Variants in LAMA1 observed in about 807,000 individuals in gnomAD.
The protein encoded by LAMA1 is laminin subunit alpha 1, also known as laminin subunit alpha-1.
Under a neutral mutation model 348.7 loss-of-function variants are expected in LAMA1, and 219 were observed. That is an observed-to-expected ratio of 0.63 (90% CI 0.56 to 0.70). The LOEUF (loss-of-function observed/expected upper bound fraction) is 0.70, where lower values mean the gene tolerates loss of function less well. Ranked by LOEUF, LAMA1 falls within the 30% of genes least tolerant of loss-of-function variation. The pLI, the probability that LAMA1 is intolerant of heterozygous loss-of-function variation, is 0.00. For missense variants in LAMA1, 3,744 were observed against 3,888.0 expected (o/e 0.96, Z 0.99); for synonymous variants, 1,487 against 1,491.0 (o/e 1.00, Z 0.06).
rs770612301 is a variant in LAMA1, at chr18:7,026,099, G to A, written c.2282C>T (p.Ala761Val). Residue 761 changes from alanine to valine, a missense_variant, in exon 17 of 63, where the codon GCG becomes GTG. Ala to Val is a moderately conservative substitution (Grantham distance 64, BLOSUM62 0). Coordinates refer to ENST00000389658, the MANE Select transcript of LAMA1 (RefSeq NM_005559.4). Reference protein sequence around the residue: ...CNVHGVCIACAHNTTGVHCEQ... With the variant: ...CNVHGVCIACVHNTTGVHCEQ... ...ACAGTGGACGCCGGTGGTGTTGTGC[G>A]CACACGCCTAGGAACATGCACCAGA... 2.0e-5 allele frequency: 33 copies of A among 1,610,690 alleles called. 1 individual carries two copies. Among genetic ancestry groups the A allele is most frequent in the Middle Eastern group, 3.3e-4 (2 of 6,074 alleles).
intron 1 of LAMA1, among the ~76,000 whole-genome samples, chr18:7,103,085 T>C (rs534752651): frequency 1.3e-5 from 2 of 152,354 alleles, no homozygotes; most frequent in South Asian, 4.1e-4. Flanking sequence ...TTGTTTCTGC[T>C]GCTGGCTTGT....
intron 14 of LAMA1, 104 bp from the exon 15 acceptor site, chr18:7,033,199 G>C: frequency 1.2e-6 from 1 of 824,482 alleles, no homozygotes; most frequent in Non-Finnish European, 2.0e-6. Flanking sequence ...GGGCGCAGTG[G>C]CTCACGCCTG....
At chr18:7,015,600 T>TC (rs1451710423) in intron 22 of LAMA1, 122 bp downstream of exon 22, 61 of 1,274,812 alleles carry the variant, frequency 4.8e-5, no homozygotes, top group Middle Eastern at 5.4e-4. Flanking sequence ...TTTTTTTTTT[T>TC]TTTTAAATTC....
At position 6,941,770 on chromosome 18, in the gene LAMA1, T is replaced by A. The variant is rs575861105; in HGVS notation, c.*309A>T. 202 of 370,356 alleles carry A rather than the reference T, an allele frequency of 5.5e-4. 5 individuals carry two copies. The highest frequency in any genetic ancestry group is 4.7e-3 in the South Asian group (197 of 42,024). 22.9% of individuals were successfully genotyped at this position (370,356 alleles called of 1,614,324 possible). A position where few individuals can be genotyped will look rare whatever the true frequency, so the allele number is the denominator to read the frequency against. On this transcript the variant is annotated 3_prime_UTR_variant, in exon 63 of 63. Coordinates refer to ENST00000389658, the MANE Select transcript of LAMA1 (RefSeq NM_005559.4). ...GATCTGTTATCATCTGTATTGATAC[T>A]TTTTTAAAAAGCTCAAAATGAAAAA...
chr18:7,000,097 A>C, intron 30 of LAMA1, 100 bp from the exon 31 acceptor site: 30 of 868,330 alleles, frequency 3.5e-5, no homozygotes, highest in Non-Finnish European at 4.9e-5. Flanking sequence ...TACTGGTCTC[A>C]AAGTTATGTG....
Position 7,016,434 on chromosome 18 carries a change from C to T in LAMA1, c.2989+57G>A. 3 of 1,600,744 alleles carry T rather than the reference C, an allele frequency of 1.9e-6. No homozygotes were observed. In the African/African-American group the frequency reaches 4.0e-5, roughly 21 times the overall value. ...AAATTAGTTGGAAGTAGAGGGAGGG[C>T]CCAAGGAAAGCTCTGGGAATGACTA... On this transcript the variant is annotated intron_variant, in intron 21 of 62. Transcript: ENST00000389658.
intron 3 of LAMA1, among the ~76,000 whole-genome samples, chr18:7,065,584 A>G (rs1598303219): frequency 6.6e-6 from 1 of 151,898 alleles, no homozygotes; most frequent in Admixed American, 6.6e-5. Context: ...AAAATTAGCC[A>G]GGTGTGGTGG....
At position 6,974,965 on chromosome 18, in the gene LAMA1, T is replaced by C; in HGVS notation, c.6561A>G (p.Thr2187=). The change falls in exon 46 of 63, where the codon ACA becomes ACG. Residue 2187 remains threonine, a synonymous_variant. Transcript: ENST00000389658. The part of the protein sequence containing the change: ...AFLWDLGSGS[T]RLEFPDFPID... The stretch of plus-strand genomic sequence containing the variant: ...TGGGAAAGTCTGGAAACTCCAAGCG[T>C]GTGGACCCGGAGCCCAGGTCCCACA... The C allele has an allele frequency of 6.2e-7, 1 of 1,614,064 alleles. No individual in the cohort carries two copies. Among genetic ancestry groups the C allele is most frequent in the African/African-American group, 1.3e-5 (1 of 74,994 alleles).
chr18:7,012,105 G>C lies in LAMA1; in HGVS notation c.3397C>G (p.Arg1133Gly), dbSNP rs767889331. ...GCGCGGAGAGCGAAGGTGCCCTCTCGACATTCGTTGCACTGAGGACCAAAG... is the reference window on the plus strand; with the variant it reads ...GCGCGGAGAGCGAAGGTGCCCTCTCCACATTCGTTGCACTGAGGACCAAAG... ...NVFGPQCNECREGTFALRADN... is the reference protein window; with the variant it reads ...NVFGPQCNECGEGTFALRADN... The change falls in exon 24 of 63, where the codon CGA (arginine) becomes GGA (glycine). Residue 1133 changes from arginine to glycine, a missense_variant. Physicochemically the swap from Arg to Gly is moderately radical, Grantham distance 125. Coordinates refer to ENST00000389658, the MANE Select transcript of LAMA1 (RefSeq NM_005559.4). 2 of 1,613,856 alleles carry C rather than the reference G, an allele frequency of 1.2e-6. No individual in the cohort carries two copies. Among genetic ancestry groups the C allele is most frequent in the South Asian group, 1.1e-5 (1 of 90,994 alleles).
At position 6,973,182 on chromosome 18, in the gene LAMA1, C is replaced by T. The variant is rs1568013335; in HGVS notation, c.6649G>A (p.Val2217Ile). ...ARFGNIGSLS[V>I]KEMSSNQKSP... The stretch of plus-strand genomic sequence containing the variant: ...TTTTGATTTGAGCTCATTTCCTTTA[C>T]ACTCAGTGAACCAATGTTTCCAAAT... Residue 2217 changes from valine (V) to isoleucine (I), a missense_variant, in exon 47 of 63, where the codon GTA becomes ATA. Physicochemically the swap from Val to Ile is conservative, Grantham distance 29. Around this residue, in one of 3 missense-constraint regions of LAMA1, gnomAD observed 1,983 missense variants for 1,934.3 expected, o/e 1.03. Coordinates refer to ENST00000389658, the MANE Select transcript of LAMA1 (RefSeq NM_005559.4). The T allele has an allele frequency of 1.2e-6, 2 of 1,614,122 alleles. No individual in the cohort carries two copies. The highest frequency in any genetic ancestry group is 1.7e-6 in the Non-Finnish European group (2 of 1,179,988).
intron 7 of LAMA1, 72 bp from the exon 8 acceptor site, chr18:7,043,477 C>G: frequency 8.2e-7 from 1 of 1,212,524 alleles, no homozygotes; most frequent in Non-Finnish European, 1.2e-6. Flanking sequence ...CTTAACCTCC[C>G]TAAGTAAGTT....
In LAMA1 at chr18:7,054,809, C is replaced by A. The variant is rs141525843; in HGVS notation, c.346-3873G>T. ...AAGGATGAGGACCTTGATGGATCCA[C>A]GTCCACTTAATGAATAGTAAATATA... On this transcript the variant is annotated intron_variant, in intron 3 of 62. Coordinates refer to ENST00000389658, the MANE Select transcript of LAMA1 (RefSeq NM_005559.4). Among the ~76,000 whole-genome samples the A allele has an allele frequency of 3.5e-3, 526 of 152,234 alleles. 16 individuals are homozygous for A. In the East Asian group the frequency reaches 0.08, roughly 23 times the overall value.
At position 7,016,659 on chromosome 18, in the gene LAMA1, C is replaced by A; in HGVS notation, c.2821G>T (p.Gly941Trp). The A allele has an allele frequency of 6.2e-7, 1 of 1,612,998 alleles. No individual in the cohort carries two copies. The highest frequency in any genetic ancestry group is 8.5e-7 in the Non-Finnish European group (1 of 1,179,602). ...CGGCAGCCATGGCCTGAGTCCAGCC[C>A]ATAATAGCCATGCTGTTTCACCAAA... is the stretch of plus-strand genomic sequence containing the variant. ...QCDQCLHGYY[G>W]LDSGHGCRPC... Residue 941 changes from glycine (G) to tryptophan (W), a missense_variant, in exon 21 of 63, where the codon GGG becomes TGG. Physicochemically the swap from Gly to Trp is radical, Grantham distance 184 (BLOSUM62 -2). This residue lies in a region of LAMA1 where 1,529 missense variants were observed against 1,689.4 expected (regional missense o/e 0.91). Transcript: ENST00000389658.
chr18:7,099,740 C>T (rs1598319911), intron 1 of LAMA1, among the ~76,000 whole-genome samples: 1 of 151,882 alleles, frequency 6.6e-6, no homozygotes, highest in East Asian at 1.9e-4. Context: ...TATGGCACTA[C>T]AAAACATACC....
intron 42 of LAMA1, among the ~76,000 whole-genome samples, chr18:6,979,629 G>A (rs865970018): frequency 9.9e-5 from 15 of 152,238 alleles, no homozygotes; most frequent in Admixed American, 2.0e-4. Context: ...GCCAGGCGCG[G>A]TGGCTCACGC....
chr18:6,998,647 T>C (rs528778608), intron 32 of LAMA1, among the ~76,000 whole-genome samples: 1 of 152,344 alleles, frequency 6.6e-6, no homozygotes, highest in East Asian at 1.9e-4. Flanking sequence ...GGCCTCCCTA[T>C]CTTCCCCATT....
At chr18:7,108,671 A>T (rs911423294) in intron 1 of LAMA1, among the ~76,000 whole-genome samples, 5 of 138,394 alleles carry the variant, frequency 3.6e-5, no homozygotes, top group African/African-American at 1.1e-4. Flanking sequence ...AAAAAAAGCT[A>T]ACTCCCTTTT....
At chr18:7,052,571 A>G (rs1168944699) in intron 3 of LAMA1, among the ~76,000 whole-genome samples, 1 of 151,950 alleles carries the variant, frequency 6.6e-6, no homozygotes, top group African/African-American at 2.4e-5. Flanking sequence ...TACTAAATAC[A>G]AAAAAATTAG....
At chr18:7,005,453 A>G (rs1004017513) in intron 29 of LAMA1, among the ~76,000 whole-genome samples, 2 of 152,218 alleles carry the variant, frequency 1.3e-5, no homozygotes, top group Non-Finnish European at 2.9e-5. Context: ...TTCAGACTTA[A>G]TATCTGAAGG....
Sources: allele counts gnomAD v4.1 joint callset (sites outside exome capture counted in the v4.1 genomes callset), GRCh38; gene constraint gnomAD v4.1.1; regional missense constraint gnomAD v4.1.1; transcripts MANE v1.5; gene names NCBI Gene and HGNC (gene_info 2026-07-23, HGNC 2026-07-21).